Variants in GIGYF2 observed in about 807,000 individuals in gnomAD.
GIGYF2 encodes GRB10-interacting GYF protein 2.
A neutral mutation model predicts 208.1 loss-of-function variants in GIGYF2; 25 were observed. That is an observed-to-expected ratio of 0.12 (90% CI 0.09 to 0.17). The LOEUF (loss-of-function observed/expected upper bound fraction) is 0.17, where lower values mean the gene tolerates loss of function less well. GIGYF2 is among the 10% of genes least tolerant of loss of function. The pLI is 1.00. For missense variants in GIGYF2, 1,302 were observed against 1,579.4 expected (o/e 0.82, Z 2.98); for synonymous variants, 534 against 543.8 (o/e 0.98, Z 0.25).
At chr2:232,761,881 A>G (rs566146384) in intron 8 of GIGYF2, among the ~76,000 whole-genome samples, 3 of 151,506 alleles carry the variant, frequency 2.0e-5, no homozygotes, top group Admixed American at 6.6e-5. Flanking sequence ...ATGAGAACAA[A>G]AAAAAAAATA....
intron 2 of GIGYF2, among the ~76,000 whole-genome samples, chr2:232,709,536 C>T (rs1464282895): frequency 2.0e-5 from 3 of 152,070 alleles, no homozygotes; most frequent in Non-Finnish European, 2.9e-5. Context: ...AGAGGCCGGG[C>T]GCGGTGGCTC....
At chr2:232,760,401 T>C (rs1698703919) in intron 6 of GIGYF2, 79 bp from the exon 7 acceptor site, 1 of 902,300 alleles carries the variant, frequency 1.1e-6, no homozygotes. Flanking sequence ...GATAGAACTT[T>C]AGATATTAAT....
chr2:232,737,180 G>C (rs940541119), intron 3 of GIGYF2, among the ~76,000 whole-genome samples: 20 of 152,284 alleles, frequency 1.3e-4, no homozygotes, highest in African/African-American at 4.6e-4. Flanking sequence ...GCTGGCCCCT[G>C]CCCTACACCA....
In GIGYF2 at chr2:232,857,230, T is replaced by C. The variant is rs1377104450; in HGVS notation, c.*370T>C. The C allele has an allele frequency of 6.1e-6, 2 of 329,968 alleles. No individual in the cohort carries two copies. The highest frequency in any genetic ancestry group is 1.2e-5 in the Non-Finnish European group (2 of 172,256). The allele number at this position is 329,968 out of a possible 1,614,324, so 20.4% of individuals were successfully genotyped here. A position where few individuals can be genotyped will look rare whatever the true frequency, so the allele number is the denominator to read the frequency against. On this transcript the variant is annotated 3_prime_UTR_variant, in exon 29 of 29. Transcript: ENST00000373563. The stretch of plus-strand genomic sequence containing the variant: ...CTTTCTCTTGTCACTTTTTTTCTTC[T>C]ATTTTGTTTTTTCTTCTTCTTTTTC...
At chr2:232,762,618 G>A (rs1193271686) in intron 8 of GIGYF2, among the ~76,000 whole-genome samples, 1 of 152,048 alleles carries the variant, frequency 6.6e-6, no homozygotes, top group African/African-American at 2.4e-5. Context: ...CTTGCAGATT[G>A]TTTTAAAAAC....
At chr2:232,788,654 A>G in intron 9 of GIGYF2, 2 of 444,810 alleles carry the variant, frequency 4.5e-6, no homozygotes, top group Non-Finnish European at 9.5e-6. Context: ...ATTCTATTAA[A>G]GGGAGTTTAA....
chr2:232,856,611 G>T (rs1690582951), intron 28 of GIGYF2, among the ~76,000 whole-genome samples, 182 bp from the exon 29 acceptor site: 1 of 152,110 alleles, frequency 6.6e-6, no homozygotes, highest in Non-Finnish European at 1.5e-5. Context: ...AGAATCTCTT[G>T]AACCCAGGAG....
At chr2:232,775,842 CTTTAA>C (rs1194435946) in intron 8 of GIGYF2, among the ~76,000 whole-genome samples, 1 of 152,174 alleles carries the variant, frequency 6.6e-6, no homozygotes, top group Non-Finnish European at 1.5e-5. Context: ...GGTGTAAATA[CTTTAA>C]GACTATATTG....
chr2:232,793,343 G>A (rs889334311), intron 12 of GIGYF2, among the ~76,000 whole-genome samples: 4 of 152,176 alleles, frequency 2.6e-5, no homozygotes, highest in African/African-American at 9.7e-5. Context: ...GGAAGTTGTG[G>A]CAGGTGAGAT....
chr2:232,771,936 T>C (rs1048600586), intron 8 of GIGYF2, among the ~76,000 whole-genome samples: 9 of 152,166 alleles, frequency 5.9e-5, no homozygotes, highest in Non-Finnish European at 1.3e-4. Context: ...CTTTTAGAGG[T>C]TTGTAGTTCT....
chr2:232,802,272 A>G (rs1317312816), intron 14 of GIGYF2, among the ~76,000 whole-genome samples: 1 of 151,982 alleles, frequency 6.6e-6, no homozygotes, highest in Non-Finnish European at 1.5e-5. Flanking sequence ...TTCTGACTAG[A>G]ACCTTTAGTA....
chr2:232,837,772 G>T (rs941957141), intron 22 of GIGYF2, among the ~76,000 whole-genome samples: 1 of 152,136 alleles, frequency 6.6e-6, no homozygotes, highest in African/African-American at 2.4e-5. Context: ...GAGTTTAAAT[G>T]ATTATTTTAA....
chr2:232,777,371 T>C (rs951360882), intron 8 of GIGYF2, among the ~76,000 whole-genome samples: 3 of 152,200 alleles, frequency 2.0e-5, no homozygotes, highest in South Asian at 2.1e-4. Flanking sequence ...TCCAGCTTGT[T>C]GGAACCCTGA....
At chr2:232,730,750 T>G (rs1370207533) in intron 2 of GIGYF2, among the ~76,000 whole-genome samples, 1 of 146,462 alleles carries the variant, frequency 6.8e-6, no homozygotes, top group Non-Finnish European at 1.5e-5. Flanking sequence ...TACAAAAAAT[T>G]AGCCGGGCGT....
intron 8 of GIGYF2, among the ~76,000 whole-genome samples, chr2:232,762,341 C>T (rs144073217): frequency 0.021 from 3,228 of 150,728 alleles, 119 homozygotes; most frequent in African/African-American, 0.074. Context: ...CAACCTATGC[C>T]TCCCGGGTTC....
intron 23 of GIGYF2, among the ~76,000 whole-genome samples, chr2:232,841,781 G>A (rs2106420929): frequency 6.6e-6 from 1 of 152,120 alleles, no homozygotes; most frequent in South Asian, 2.1e-4. Context: ...CCTCTAACCT[G>A]TTCCAATCAG....
chr2:232,729,474 T>A (rs74636505), intron 2 of GIGYF2: 107 of 978,254 alleles, frequency 1.1e-4, no homozygotes, highest in Middle Eastern at 3.6e-4. Context: ...TTTTTTTTTT[T>A]AATTAACCTC....
intron 22 of GIGYF2, among the ~76,000 whole-genome samples, chr2:232,834,136 T>G (rs1489864124): frequency 6.6e-6 from 1 of 152,160 alleles, no homozygotes; most frequent in Non-Finnish European, 1.5e-5. Context: ...AGCAGACTTA[T>G]GGCAGGTTCT....
chr2:232,747,643 A>G lies in GIGYF2; in HGVS notation c.70A>G (p.Ile24Val), dbSNP rs758763419. ...WLRALSSGGS[I>V]TSPPLSPALP... is the part of the protein sequence containing the mutation. ...CCGAGCTCTGTCCAGTGGTGGGAGT[A>G]TTACATCCCCTCCTCTTTCTCCAGC... The change falls in exon 4 of 29, where the codon ATT becomes GTT. Residue 24 changes from isoleucine to valine, a missense_variant. Transcript: ENST00000373563. 6.2e-6 allele frequency: 10 copies of G among 1,613,576 alleles called. No individual in the cohort carries two copies. In the African/African-American group the frequency reaches 1.1e-4, roughly 17 times the overall value.
Sources: gnomAD v4.1 joint callset for allele counts (sites outside exome capture counted in the v4.1 genomes callset) on GRCh38, gnomAD v4.1.1 for gene constraint, MANE v1.5 for transcripts, NCBI Gene and HGNC (gene_info 2026-07-23, HGNC 2026-07-21) for gene names.